PTPRR: variants seen among roughly 807,000 people sequenced by gnomAD.
PTPRR encodes receptor-type tyrosine-protein phosphatase R.
PTPRR carries 38 observed loss-of-function variants against 77.2 expected under a neutral mutation model. The observed-to-expected ratio is 0.49, with a 90% CI of 0.38 to 0.65. The LOEUF is 0.65. Ranked by LOEUF, PTPRR falls within the 30% of genes least tolerant of loss-of-function variation. PTPRR has a pLI of 0.00. For missense variants in PTPRR, 744 were observed against 799.2 expected, an observed-to-expected ratio of 0.93 and a Z score of 0.83; for synonymous variants, 299 against 283.1, an observed-to-expected ratio of 1.06 and a Z score of -0.57.
At chr12:70,744,872 T>C (rs1890162205) in intron 6 of PTPRR, among the ~76,000 whole-genome samples, 1 of 152,184 alleles carries the variant, frequency 6.6e-6, no homozygotes, top group African/African-American at 2.4e-5. Flanking sequence ...AAATTAAAGC[T>C]TCTTATTTTA....
Position 70,764,703 on chromosome 12 carries a change from C to T in PTPRR, c.433G>A (p.Gly145Arg). 2 of 1,614,036 alleles carry T rather than the reference C, an allele frequency of 1.2e-6. No individual in the cohort carries two copies. The highest frequency in any genetic ancestry group is 1.7e-6 in the Non-Finnish European group (2 of 1,179,978). ...IFRQGVAAAL[G>R]LLPQQVHINR... is the part of the protein sequence containing the mutation. The stretch of plus-strand genomic sequence containing the variant: ...ATGTGCACTTGCTGGGGTAAGAGTC[C>T]TAAAGCTGCAGCCACTCCTTGGCGG... The change falls in exon 3 of 14, where the codon GGA (glycine) becomes AGA (arginine). Residue 145 changes from glycine to arginine, a missense_variant. Physicochemically the swap from Gly to Arg is moderately radical, Grantham distance 125. Transcript: ENST00000283228.
chr12:70,663,144 C>T (rs1886856511), intron 10 of PTPRR, among the ~76,000 whole-genome samples: 1 of 152,104 alleles, frequency 6.6e-6, no homozygotes, highest in Admixed American at 6.6e-5. Flanking sequence ...ATTAATACAA[C>T]TATGGTATTA....
chr12:70,747,043 A>C (rs895662557), intron 5 of PTPRR, among the ~76,000 whole-genome samples: 4 of 152,184 alleles, frequency 2.6e-5, no homozygotes, highest in African/African-American at 9.7e-5. Flanking sequence ...TCTGATATTA[A>C]GTAAAAGGTC....
At chr12:70,658,990 C>T (rs1886694409) in intron 12 of PTPRR, among the ~76,000 whole-genome samples, 1 of 147,872 alleles carries the variant, frequency 6.8e-6, no homozygotes, top group South Asian at 2.2e-4. Context: ...GCAACCTCTG[C>T]CTCCTCGGTT....
intron 2 of PTPRR, among the ~76,000 whole-genome samples, chr12:70,766,444 C>T (rs937005132): frequency 1.8e-4 from 28 of 151,742 alleles, no homozygotes; most frequent in South Asian, 4.2e-4. Context: ...TGAAATTAAG[C>T]GAGAAGGGAA....
At chr12:70,913,910 A>T (rs372173779) in intron 1 of PTPRR, among the ~76,000 whole-genome samples, 9 of 152,210 alleles carry the variant, frequency 5.9e-5, no homozygotes, top group African/African-American at 2.2e-4. Context: ...TAACAAGCAT[A>T]GTTCTAGGGA....
intron 13 of PTPRR, chr12:70,639,485 C>A: frequency 7.5e-7 from 1 of 1,338,534 alleles, no homozygotes; most frequent in South Asian, 1.7e-5. Flanking sequence ...TAACACAGTT[C>A]CCAGCACACA....
intron 2 of PTPRR, among the ~76,000 whole-genome samples, chr12:70,773,929 T>C (rs1487102882): frequency 6.6e-6 from 1 of 152,208 alleles, no homozygotes; most frequent in Non-Finnish European, 1.5e-5. Flanking sequence ...GGAAATGCAG[T>C]GATCAGGAAA....
chr12:70,659,972 T>G (rs1055156459), intron 12 of PTPRR, among the ~76,000 whole-genome samples: 1 of 151,688 alleles, frequency 6.6e-6, no homozygotes, highest in Non-Finnish European at 1.5e-5. Context: ...AGTCAGGAGT[T>G]TGAGACCAGC....
chr12:70,844,929 AAAAAT>A (rs1181181262), intron 2 of PTPRR, among the ~76,000 whole-genome samples: 1 of 152,218 alleles, frequency 6.6e-6, no homozygotes, highest in East Asian at 1.9e-4. Flanking sequence ...CAACAATAAC[AAAAAT>A]AATAATCAAT....
At chr12:70,667,081 G>C (rs1032787250) in intron 10 of PTPRR, among the ~76,000 whole-genome samples, 2 of 150,408 alleles carry the variant, frequency 1.3e-5, no homozygotes, top group Non-Finnish European at 3.0e-5. Flanking sequence ...TCAGCCTCCC[G>C]AGTAGCTGGG....
chr12:70,763,338 G>C (rs1303804800), intron 3 of PTPRR, among the ~76,000 whole-genome samples: 1 of 151,906 alleles, frequency 6.6e-6, no homozygotes, highest in Non-Finnish European at 1.5e-5. Flanking sequence ...TTACCATGTT[G>C]GCCAGGCTGG....
intron 2 of PTPRR, among the ~76,000 whole-genome samples, chr12:70,804,172 TG>T (rs1295549121): frequency 2.4e-4 from 37 of 151,362 alleles, no homozygotes; most frequent in African/African-American, 8.8e-4. Context: ...TGTGTGTGTG[TG>T]TGTGTTAAGG....
rs1464997942 is a variant in PTPRR at position 70,660,999 on chromosome 12, C to T, written c.1707G>A (p.Leu569=). The T allele has an allele frequency of 4.3e-6, 7 of 1,613,828 alleles. No homozygotes were observed. Among genetic ancestry groups the T allele is most frequent in the Non-Finnish European group, 5.9e-6 (7 of 1,179,922 alleles). ...DSAQPLLQLM[L]DVEEDRLASQ... ...AAGCAAGTCTGTCTTCTTCTACATCCAGCATGAGCTGTAGGAGGGGCTGGG... is the reference window on the plus strand; with the variant it reads ...AAGCAAGTCTGTCTTCTTCTACATCTAGCATGAGCTGTAGGAGGGGCTGGG... The change falls in exon 12 of 14, where the codon CTG becomes CTA. Residue 569 remains leucine (L), a synonymous_variant. Transcript: ENST00000283228.
At chr12:70,763,833 T>C (rs1020808442) in intron 3 of PTPRR, among the ~76,000 whole-genome samples, 1 of 152,120 alleles carries the variant, frequency 6.6e-6, no homozygotes, top group African/African-American at 2.4e-5. Context: ...AGTCATCTGA[T>C]CTGAATTTAC....
intron 8 of PTPRR, among the ~76,000 whole-genome samples, chr12:70,687,658 C>T (rs375252924): frequency 5.9e-5 from 9 of 152,094 alleles, no homozygotes; most frequent in East Asian, 3.9e-4. Context: ...CTAGCATGTC[C>T]TTTTGGGTGA....
intron 6 of PTPRR, among the ~76,000 whole-genome samples, chr12:70,731,025 A>C (rs1308375671): frequency 8.5e-6 from 1 of 117,040 alleles, no homozygotes; most frequent in Non-Finnish European, 1.9e-5. Flanking sequence ...AAGGAGAGAG[A>C]GAGGAAGGAG....
intron 10 of PTPRR, among the ~76,000 whole-genome samples, chr12:70,669,825 C>T (rs1887152759): frequency 6.6e-6 from 1 of 152,076 alleles, no homozygotes; most frequent in Admixed American, 6.5e-5. Flanking sequence ...GTCTCGAATT[C>T]CTGGCCACAA....
chr12:70,860,143 GA>G (rs1313644350), intron 2 of PTPRR, among the ~76,000 whole-genome samples: 1 of 152,054 alleles, frequency 6.6e-6, no homozygotes, highest in African/African-American at 2.4e-5. Flanking sequence ...CAGTACTACA[GA>G]TACATCTCTT....
Sources: gnomAD v4.1 joint callset for allele counts (sites outside exome capture counted in the v4.1 genomes callset) on GRCh38, gnomAD v4.1.1 for gene constraint, MANE v1.5 for transcripts, NCBI Gene and HGNC (gene_info 2026-07-23, HGNC 2026-07-21) for gene names.